Variants in CTLA4 observed in about 807,000 individuals in gnomAD.
The protein encoded by CTLA4 is cytotoxic T-lymphocyte associated protein 4.
In CTLA4, 3 loss-of-function variants were observed where a neutral mutation model predicts 20.4. The observed-to-expected ratio is 0.15, with a 90% confidence interval of 0.07 to 0.38. The LOEUF (loss-of-function observed/expected upper bound fraction) is 0.38, where lower values mean the gene tolerates loss of function less well. CTLA4 is among the 10% of genes least tolerant of loss of function. The pLI, the probability that CTLA4 is intolerant of heterozygous loss-of-function variation, is 1.00. For missense variants in CTLA4, 184 were observed against 276.8 expected, an observed-to-expected ratio of 0.66 and a Z score of 2.38; for synonymous variants, 100 against 105.2, an observed-to-expected ratio of 0.95 and a Z score of 0.30.
In CTLA4 at chr2:203,873,795, C is replaced by T. The variant is rs113318671; in HGVS notation, c.*983C>T. 1.2e-4 allele frequency: 27 copies of T among 228,800 alleles called. No homozygotes were observed. In the South Asian group the frequency reaches 4.4e-3, roughly 37 times the overall value. The allele number at this position is 228,800 out of a possible 1,614,324, so 14.2% of individuals were successfully genotyped here. On this transcript the variant is annotated 3_prime_UTR_variant, in exon 4 of 4. Coordinates refer to ENST00000648405, the MANE Select transcript of CTLA4 (RefSeq NM_005214.5). ...GTTCGATGGGCCCAATTCTTACAAA[C>T]ATGTGGTTAATGCCATGGACAGAAG...
rs773214469 is a variant in CTLA4, at chr2:203,870,470, C to A, written c.110-116C>A. ...GAGGGGAAGGGGTAAGTGATAGATTCGTTGAAGGGGGGAGAAAAGGCCGTG... is the reference window on the plus strand; with the variant it reads ...GAGGGGAAGGGGTAAGTGATAGATTAGTTGAAGGGGGGAGAAAAGGCCGTG... On this transcript the variant is annotated intron_variant, in intron 1 of 3. Coordinates refer to ENST00000648405, the MANE Select transcript of CTLA4 (RefSeq NM_005214.5). The surrounding 1 kb of genome is among the most constrained non-coding windows in gnomAD (Gnocchi z 5.3). 18 of 999,708 alleles carry A rather than the reference C, an allele frequency of 1.8e-5. No homozygotes were observed. Among genetic ancestry groups the A allele is most frequent in the Non-Finnish European group, 2.4e-5 (17 of 707,422 alleles). 61.9% of individuals were successfully genotyped at this position (999,708 alleles called of 1,614,324 possible).
At position 203,870,323 on chromosome 2, in the gene CTLA4, T is replaced by G. The variant is rs998090996; in HGVS notation, c.110-263T>G. 16 of 504,420 alleles carry G rather than the reference T, an allele frequency of 3.2e-5. No individual in the cohort carries two copies. Among genetic ancestry groups the G allele is most frequent in the Non-Finnish European group, 5.7e-5 (16 of 281,590 alleles). 31.2% of individuals were successfully genotyped at this position (504,420 alleles called of 1,614,324 possible). A position where few individuals can be genotyped will look rare whatever the true frequency, so the allele number is the denominator to read the frequency against. On this transcript the variant is annotated intron_variant, in intron 1 of 3. Transcript: ENST00000648405. This position sits in a 1 kb window ranked among gnomAD's most constrained non-coding sequence, Gnocchi z 5.3. The stretch of plus-strand genomic sequence containing the variant: ...TCATGGTAGAGCCAGGTCTTCTGTT[T>G]GTCATATCAGTGTTCTTCCTGCCAC...
intron 3 of CTLA4, among the ~76,000 whole-genome samples, chr2:203,872,215 T>G (rs531518397): frequency 1.3e-5 from 2 of 152,272 alleles, no homozygotes; most frequent in South Asian, 4.1e-4. Context: ...TTCCTTCTTC[T>G]CGCTCTTTCT....
chr2:203,871,650 A>G (rs1282855898), intron 3 of CTLA4, among the ~76,000 whole-genome samples, 163 bp downstream of exon 3: 1 of 152,214 alleles, frequency 6.6e-6, no homozygotes, highest in East Asian at 1.9e-4. Context: ...AGGCATTGGC[A>G]TTTGAGGTTT....
chr2:203,869,739 G>C (rs1688694119), intron 1 of CTLA4, among the ~76,000 whole-genome samples: 2 of 152,220 alleles, frequency 1.3e-5, no homozygotes, highest in African/African-American at 4.8e-5. Context: ...TTGGCATGCA[G>C]CCACTATTTT....
Position 203,867,918 on chromosome 2 carries a change from A to G in CTLA4, c.-25A>G, listed in dbSNP as rs1333941582. 2 of 1,578,830 alleles carry G rather than the reference A, an allele frequency of 1.3e-6. No individual in the cohort carries two copies. Among genetic ancestry groups the G allele is most frequent in the Non-Finnish European group, 1.7e-6 (2 of 1,148,766 alleles). ...AAAGGTTTTGCTCTACTTCCTGAAGACCTGAACACCGCTCCCATAAAGCCA... is the reference window on the plus strand; with the variant it reads ...AAAGGTTTTGCTCTACTTCCTGAAGGCCTGAACACCGCTCCCATAAAGCCA... On this transcript the variant is annotated 5_prime_UTR_variant, in exon 1 of 4. Coordinates refer to ENST00000648405, the MANE Select transcript of CTLA4 (RefSeq NM_005214.5).
Position 203,873,525 on chromosome 2 carries a change from C to G in CTLA4, c.*713C>G. 1 of 220,446 alleles carries G rather than the reference C, an allele frequency of 4.5e-6. No individual in the cohort carries two copies. The highest frequency in any genetic ancestry group is 9.0e-6 in the Non-Finnish European group (1 of 110,640). 13.7% of individuals were successfully genotyped at this position (220,446 alleles called of 1,614,324 possible). A position where few individuals can be genotyped will look rare whatever the true frequency, so the allele number is the denominator to read the frequency against. On this transcript the variant is annotated 3_prime_UTR_variant, in exon 4 of 4. Transcript: ENST00000648405. Reference sequence around the variant, plus strand: ...GGAGGAGCTCAGGACACTAATACACCAGGTAGAACACAAGGTCATTTGCTA... The same window carrying G: ...GGAGGAGCTCAGGACACTAATACACGAGGTAGAACACAAGGTCATTTGCTA...
At chr2:203,872,476 C>A (rs1274089247) in intron 3 of CTLA4, among the ~76,000 whole-genome samples, 4 of 152,180 alleles carry the variant, frequency 2.6e-5, no homozygotes, top group African/African-American at 9.7e-5. Flanking sequence ...TCTCTTTCTC[C>A]TATCTTCCAT....
chr2:203,870,460 G>A lies in CTLA4; in HGVS notation c.110-126G>A, dbSNP rs1688708564. The A allele has an allele frequency of 4.3e-6, 4 of 919,816 alleles. No individual in the cohort carries two copies. Among genetic ancestry groups the A allele is most frequent in the Non-Finnish European group, 1.6e-6 (1 of 610,678 alleles). The allele number at this position is 919,816 out of a possible 1,614,324, so 57.0% of individuals were successfully genotyped here. A position where few individuals can be genotyped will look rare whatever the true frequency, so the allele number is the denominator to read the frequency against. ...GGGGTGTGGAGAGGGGAAGGGGTAAGTGATAGATTCGTTGAAGGGGGGAGA... is the reference window on the plus strand; with the variant it reads ...GGGGTGTGGAGAGGGGAAGGGGTAAATGATAGATTCGTTGAAGGGGGGAGA... On this transcript the variant is annotated intron_variant, in intron 1 of 3. Coordinates refer to ENST00000648405, the MANE Select transcript of CTLA4 (RefSeq NM_005214.5). The surrounding 1 kb of genome is among the most constrained non-coding windows in gnomAD (Gnocchi z 5.3).
intron 1 of CTLA4, among the ~76,000 whole-genome samples, 182 bp downstream of exon 1, chr2:203,868,233 AG>A (rs1291408263): frequency 6.6e-6 from 1 of 152,210 alleles, no homozygotes; most frequent in Admixed American, 6.5e-5. Flanking sequence ...GCAGCAAATA[AG>A]GCAAAGAGAT....
chr2:203,870,551 A>G lies in CTLA4; in HGVS notation c.110-35A>G. ...CTGGGCTTGGCCATGAAGGAGCATGAGTTCACTGAGTTCCCTTTGGCTTTT... is the reference window on the plus strand; with the variant it reads ...CTGGGCTTGGCCATGAAGGAGCATGGGTTCACTGAGTTCCCTTTGGCTTTT... On this transcript the variant is annotated intron_variant, in intron 1 of 3. Transcript: ENST00000648405. The surrounding 1 kb of genome is among the most constrained non-coding windows in gnomAD (Gnocchi z 5.3). The G allele has an allele frequency of 1.2e-6, 2 of 1,600,112 alleles. No individual in the cohort carries two copies. Among genetic ancestry groups the G allele is most frequent in the Non-Finnish European group, 1.7e-6 (2 of 1,170,858 alleles).
rs2105777951 is a variant in CTLA4 at position 203,873,476 on chromosome 2, C to T, written c.*664C>T. On this transcript the variant is annotated 3_prime_UTR_variant, in exon 4 of 4. Transcript: ENST00000648405. ...AACACTATATGGCAGTGTCTTTCCA[C>T]CTTGGGTCCCAGGGAAGTTTTGTGG... 4.5e-6 allele frequency: 1 copy of T among 221,858 alleles called. No homozygotes were observed. Among genetic ancestry groups the T allele is most frequent in the Non-Finnish European group, 8.9e-6 (1 of 112,540 alleles). The allele number at this position is 221,858 out of a possible 1,614,324, so 13.7% of individuals were successfully genotyped here.
Position 203,873,131 on chromosome 2 carries a change from G to A in CTLA4, c.*319G>A, listed in dbSNP as rs1408084669. On this transcript the variant is annotated 3_prime_UTR_variant, in exon 4 of 4. Coordinates refer to ENST00000648405, the MANE Select transcript of CTLA4 (RefSeq NM_005214.5). ...AATGGCACAGCCCAAAGAAGGAAAA[G>A]GCAGGGAGCGAGGGAGAAGACTATA... 2 of 495,402 alleles carry A rather than the reference G, an allele frequency of 4.0e-6. No individual in the cohort carries two copies. The highest frequency in any genetic ancestry group is 2.9e-5 in the East Asian group (1 of 34,144). The allele number at this position is 495,402 out of a possible 1,614,324, so 30.7% of individuals were successfully genotyped here.
At chr2:203,872,102 T>C (rs1469854287) in intron 3 of CTLA4, among the ~76,000 whole-genome samples, 1 of 152,214 alleles carries the variant, frequency 6.6e-6, no homozygotes, top group Non-Finnish European at 1.5e-5. Flanking sequence ...TCAGGCCTCC[T>C]GTCAGGATTT....
chr2:203,872,802 C>T lies in CTLA4; in HGVS notation c.662C>T (p.Pro221Leu). The T allele has an allele frequency of 6.2e-7, 1 of 1,600,758 alleles. No individual in the cohort carries two copies. The highest frequency in any genetic ancestry group is 1.1e-5 in the South Asian group (1 of 90,764). Reference sequence around the variant, plus strand: ...AAGCAATTTCAGCCTTATTTTATTCCCATCAATTGAGAAACCATTATGAAG... The same window carrying T: ...AAGCAATTTCAGCCTTATTTTATTCTCATCAATTGAGAAACCATTATGAAG... Reference protein sequence around the residue: ...CEKQFQPYFIPIN With the variant: ...CEKQFQPYFILIN The change falls in exon 4 of 4, where the codon CCC (proline) becomes CTC (leucine). Residue 221 changes from proline to leucine, a missense_variant. Coordinates refer to ENST00000648405, the MANE Select transcript of CTLA4 (RefSeq NM_005214.5).
chr2:203,872,419 C>T (rs143179855), intron 3 of CTLA4, among the ~76,000 whole-genome samples: 5 of 152,320 alleles, frequency 3.3e-5, no homozygotes, highest in African/African-American at 1.2e-4. Context: ...CAAGATTGAT[C>T]AATTATCATA....
chr2:203,869,376 G>A (rs925184047), intron 1 of CTLA4, among the ~76,000 whole-genome samples: 4 of 152,240 alleles, frequency 2.6e-5, no homozygotes, highest in Non-Finnish European at 4.4e-5. Context: ...GAAGGAAGCT[G>A]TAGTCTAGCT....
At chr2:203,869,090 G>A (rs1049944972) in intron 1 of CTLA4, among the ~76,000 whole-genome samples, 1 of 152,198 alleles carries the variant, frequency 6.6e-6, no homozygotes, top group African/African-American at 2.4e-5. Flanking sequence ...ACCGCATTTA[G>A]TGGTGATGAG....
chr2:203,871,341 C>G (rs752433569), intron 2 of CTLA4, 37 bp from the exon 3 acceptor site: 2 of 1,558,512 alleles, frequency 1.3e-6, no homozygotes, highest in Non-Finnish European at 1.8e-6. Flanking sequence ...GAGTTTAAAA[C>G]TGTCTCAGGG....
Sources: allele counts gnomAD v4.1 joint callset (sites outside exome capture counted in the v4.1 genomes callset), GRCh38; gene constraint gnomAD v4.1.1; non-coding constraint Gnocchi (gnomAD v3.1); transcripts MANE v1.5; gene names NCBI Gene and HGNC (gene_info 2026-07-23, HGNC 2026-07-21).